Variants in RIN3 observed in about 807,000 individuals in gnomAD.
RIN3 encodes RAB5 interacting protein 3.
Under a neutral mutation model 76.3 loss-of-function variants are expected in RIN3, and 54 were observed. The observed-to-expected ratio is 0.71, with a 90% confidence interval of 0.57 to 0.89. RIN3 has a LOEUF of 0.89. Ranked by LOEUF, RIN3 falls within the 40% of genes least tolerant of loss-of-function variation. The pLI, the probability that RIN3 is intolerant of heterozygous loss-of-function variation, is 0.00. For missense variants in RIN3, 1,256 were observed against 1,322.1 expected (o/e 0.95, Z 0.78); for synonymous variants, 576 against 564.0 (o/e 1.02, Z -0.30).
At chr14:92,577,257 A>G (rs199851097) in intron 2 of RIN3, 103 bp from the exon 3 acceptor site, 144 of 739,492 alleles carry the variant, frequency 1.9e-4, no homozygotes, top group African/African-American at 8.0e-4. Flanking sequence ...AGCCTGCCTC[A>G]TCATTTCAGG....
intron 2 of RIN3, among the ~76,000 whole-genome samples, chr14:92,557,239 C>T (rs1396996994): frequency 2.0e-5 from 3 of 152,196 alleles, no homozygotes; most frequent in Admixed American, 2.0e-4. Flanking sequence ...GTAGGTGTTG[C>T]CACCTTGCCC....
intron 1 of RIN3, among the ~76,000 whole-genome samples, chr14:92,544,016 C>T (rs909297791): frequency 1.3e-5 from 2 of 152,026 alleles, no homozygotes; most frequent in South Asian, 4.2e-4. Context: ...GTGAAGCCTC[C>T]CCACCCCCCC....
chr14:92,536,666 C>T (rs554178184), intron 1 of RIN3, among the ~76,000 whole-genome samples: 1 of 150,848 alleles, frequency 6.6e-6, no homozygotes, highest in Admixed American at 6.6e-5. Flanking sequence ...CACTTGAACC[C>T]GGGAGGTGGA....
chr14:92,634,273 T>G (rs1428874761), intron 4 of RIN3, among the ~76,000 whole-genome samples: 1 of 151,834 alleles, frequency 6.6e-6, no homozygotes, highest in Non-Finnish European at 1.5e-5. Context: ...AGACTGAGGT[T>G]TCACCATGTT....
At chr14:92,619,818 C>G (rs989106011) in intron 4 of RIN3, among the ~76,000 whole-genome samples, 2 of 152,150 alleles carry the variant, frequency 1.3e-5, no homozygotes, top group Admixed American at 6.5e-5. Context: ...TCCAGCATAG[C>G]TAGAAGCGTG....
intron 1 of RIN3, among the ~76,000 whole-genome samples, chr14:92,532,310 T>C (rs1172061669): frequency 6.6e-6 from 1 of 152,154 alleles, no homozygotes; most frequent in Non-Finnish European, 1.5e-5. Flanking sequence ...CAGGCTAGAA[T>C]AGACCCCAGA....
Position 92,688,281 on chromosome 14 carries a change from C to A in RIN3, c.*29C>A, listed in dbSNP as rs760790040. 6.6e-7 allele frequency: 1 copy of A among 1,510,312 alleles called. No homozygotes were observed. The highest frequency in any genetic ancestry group is 1.2e-5 in the South Asian group (1 of 81,132). The allele number at this position is 1,510,312 out of a possible 1,614,324, so 93.6% of individuals were successfully genotyped here. A position where few individuals can be genotyped will look rare whatever the true frequency, so the allele number is the denominator to read the frequency against. ...CCTCCCGGGGCGCCTCCCCTCACCC[C>A]CAGGCGCACGTCTGGCCCCGCCTCT... On this transcript the variant is annotated 3_prime_UTR_variant, in exon 10 of 10. Coordinates refer to ENST00000216487, the MANE Select transcript of RIN3 (RefSeq NM_024832.5).
At chr14:92,575,900 C>T (rs1194018674) in intron 2 of RIN3, among the ~76,000 whole-genome samples, 1 of 145,084 alleles carries the variant, frequency 6.9e-6, no homozygotes, top group Non-Finnish European at 1.5e-5. Flanking sequence ...TTTACCCAAC[C>T]CCTATTCAAG....
intron 2 of RIN3, among the ~76,000 whole-genome samples, chr14:92,563,549 G>A (rs903736147): frequency 3.3e-5 from 5 of 152,092 alleles, no homozygotes; most frequent in Non-Finnish European, 4.4e-5. Flanking sequence ...GCTCTGAGAC[G>A]GTAAGAAACC....
intron 1 of RIN3, chr14:92,515,320 G>A (rs1394849423): frequency 1.4e-6 from 1 of 691,716 alleles, no homozygotes; most frequent in East Asian, 2.7e-5. Flanking sequence ...GCAGGGTGAA[G>A]CCGGAGAGGA....
chr14:92,594,705 T>C (rs1885096267), intron 3 of RIN3, among the ~76,000 whole-genome samples: 1 of 152,224 alleles, frequency 6.6e-6, no homozygotes, highest in Non-Finnish European at 1.5e-5. Context: ...ATGCATATAT[T>C]ACAAAAGAAG....
chr14:92,534,799 C>G (rs998860606), intron 1 of RIN3, among the ~76,000 whole-genome samples: 4 of 152,082 alleles, frequency 2.6e-5, no homozygotes, highest in African/African-American at 9.7e-5. Context: ...GCACATTGAT[C>G]TGGGAAGATT....
rs550917553 is a variant in RIN3, at chr14:92,643,757, G to A, written c.532+2428G>A. ...AGCCTGGCCAATATGGTGAAATCTC[G>A]TCTCTACTAAAAATATAAAAATTAA... On this transcript the variant is annotated intron_variant, in intron 5 of 9. Coordinates refer to ENST00000216487, the MANE Select transcript of RIN3 (RefSeq NM_024832.5). The surrounding 1 kb of genome is among the most constrained non-coding windows in gnomAD (Gnocchi z 4.8). Among the ~76,000 whole-genome samples the A allele has an allele frequency of 1.1e-3, 162 of 152,212 alleles. No homozygotes were observed. Among genetic ancestry groups the A allele is most frequent in the African/African-American group, 3.7e-3 (154 of 41,526 alleles).
chr14:92,687,574 C>T, intron 9 of RIN3: 1 of 324,360 alleles, frequency 3.1e-6, no homozygotes, highest in East Asian at 7.8e-5. Context: ...AGCATTGCGC[C>T]TGGGGTGCAG....
At chr14:92,528,135 T>C (rs1453056284) in intron 1 of RIN3, among the ~76,000 whole-genome samples, 3 of 152,096 alleles carry the variant, frequency 2.0e-5, no homozygotes, top group Non-Finnish European at 2.9e-5. Flanking sequence ...AAAGGTGGGC[T>C]CAGGGACAGG....
chr14:92,654,790 A>G (rs976056974), intron 6 of RIN3, among the ~76,000 whole-genome samples: 3 of 152,212 alleles, frequency 2.0e-5, no homozygotes, highest in Admixed American at 6.5e-5. Context: ...GCTGGCTCAG[A>G]TATAGAGACA....
chr14:92,676,656 G>T (rs1290810899), intron 8 of RIN3, 50 bp downstream of exon 8: 2 of 1,592,842 alleles, frequency 1.3e-6, no homozygotes, highest in Admixed American at 3.4e-5. Flanking sequence ...CCCCAACTCA[G>T]CCACGCCACG....
chr14:92,537,837 ATTTATTTTT>A (rs759252233), intron 1 of RIN3, among the ~76,000 whole-genome samples: 5 of 120,872 alleles, frequency 4.1e-5, no homozygotes, highest in East Asian at 4.7e-4. Context: ...ATTTTATTTT[ATTTATTTTT>A]TTTTTTTTGA....
chr14:92,599,650 G>T (rs1048225304), intron 3 of RIN3, among the ~76,000 whole-genome samples: 3 of 152,162 alleles, frequency 2.0e-5, no homozygotes, highest in African/African-American at 2.4e-5. Flanking sequence ...CCCTGGGTCT[G>T]GTTCTCTGGA....
Sources: allele counts gnomAD v4.1 joint callset (sites outside exome capture counted in the v4.1 genomes callset), GRCh38; gene constraint gnomAD v4.1.1; non-coding constraint Gnocchi (gnomAD v3.1); transcripts MANE v1.5; gene names NCBI Gene and HGNC (gene_info 2026-07-23, HGNC 2026-07-21).